CYP2A6: variants seen among roughly 807,000 people sequenced by gnomAD.
CYP2A6 encodes the protein cytochrome P450 family 2 subfamily A member 6.
In CYP2A6, 27 loss-of-function variants were observed where a neutral mutation model predicts 42.3. That is an observed-to-expected ratio of 0.64 (90% CI 0.47 to 0.88). The LOEUF (loss-of-function observed/expected upper bound fraction) is 0.88. Among genes scored for constraint, CYP2A6 ranks in the 40% least tolerant of loss-of-function variants. The pLI is 0.00. For missense variants in CYP2A6, 628 were observed against 646.0 expected (o/e 0.97, Z 0.30); for synonymous variants, 238 against 246.3 (o/e 0.97, Z 0.31).
chr19:40,846,883 T>C lies in CYP2A6; in HGVS notation c.823A>G (p.Met275Val). The change falls in exon 5 of 9, where the codon ATG becomes GTG. Residue 275 changes from methionine (M) to valine (V), a missense_variant. By Grantham distance (21) the Met-to-Val change is conservative. This residue lies in a region of CYP2A6 where 606 missense variants were observed against 568.1 expected (regional missense o/e 1.07). Coordinates refer to ENST00000301141, the MANE Select transcript of CYP2A6 (RefSeq NM_000762.6). ...TGGCTGCTGGGGTGTACCTCCTGCA[T>C]GCGGATGAGAAAGGAGTCAATGAAG... ...RDFIDSFLIR[M>V]QEEEKNPNTE... 1.2e-6 allele frequency: 2 copies of C among 1,612,000 alleles called. No homozygotes were observed. The highest frequency in any genetic ancestry group is 2.2e-5 in the South Asian group (2 of 90,918).
At chr19:40,849,020 A>G (rs944698147) in intron 2 of CYP2A6, among the ~76,000 whole-genome samples, 9 of 58,998 alleles carry the variant, frequency 1.5e-4, no homozygotes, top group African/African-American at 2.3e-4. Flanking sequence ...GAAGAGAGAG[A>G]GGAGAGAGAG....
rs566790786 is a variant in CYP2A6 at position 40,847,411 on chromosome 19, T to G, written c.655-360A>C. On this transcript the variant is annotated intron_variant, in intron 4 of 8. Transcript: ENST00000301141. Reference sequence around the variant, plus strand: ...AGGTGGGGCTGGTATGAGGTGAGTGTCACCTGTCTAGGTATTTAGGCATTC... The same window carrying G: ...AGGTGGGGCTGGTATGAGGTGAGTGGCACCTGTCTAGGTATTTAGGCATTC... 3.7e-3 allele frequency among the ~76,000 whole-genome samples: 556 copies of G among 151,576 alleles called. 2 individuals carry two copies. The highest frequency in any genetic ancestry group is 6.0e-3 in the Non-Finnish European group (408 of 67,962).
At chr19:40,849,070 G>GAGAGAGAGAA (rs1967172683) in intron 2 of CYP2A6, among the ~76,000 whole-genome samples, 4 of 144,502 alleles carry the variant, frequency 2.8e-5, no homozygotes, top group Non-Finnish European at 6.1e-5. Context: ...GAGAGAGAGA[G>GAGAGAGAGAA]AGAGAGAGAG....
Position 40,850,296 on chromosome 19 carries a change from C to T in CYP2A6, c.131G>A (p.Gly44Glu), listed in dbSNP as rs144279119. The change falls in exon 1 of 9, where the codon GGA (glycine) becomes GAA (glutamate). Residue 44 changes from glycine (G) to glutamate (E), a missense_variant. Physicochemically the swap from Gly to Glu is moderately conservative, Grantham distance 98. Around this residue, in one of 2 missense-constraint regions of CYP2A6, gnomAD observed 606 missense variants for 568.1 expected, o/e 1.07. Coordinates refer to ENST00000301141, the MANE Select transcript of CYP2A6 (RefSeq NM_000762.6). ...PPGPTPLPFI[G>E]NYLQLNTEQM... Reference sequence around the variant, plus strand: ...CTCTGTGTTCAGCTGCAGGTAGTTTCCAATGAAGGGCAATGGGGTGGGTCC... The same window carrying T: ...CTCTGTGTTCAGCTGCAGGTAGTTTTCAATGAAGGGCAATGGGGTGGGTCC... 1.5e-5 allele frequency: 24 copies of T among 1,610,008 alleles called. 1 individual carries two copies. The highest frequency in any genetic ancestry group is 2.0e-5 in the Non-Finnish European group (24 of 1,178,792).
At chr19:40,845,158 G>C in intron 7 of CYP2A6, 136 bp downstream of exon 7, 1 of 1,067,782 alleles carries the variant, frequency 9.4e-7, no homozygotes, top group Non-Finnish European at 1.4e-6. Context: ...GAACGGATGT[G>C]GTGGTTGGGG....
Position 40,845,544 on chromosome 19 carries a change from G to A in CYP2A6, c.974-63C>T, listed in dbSNP as rs939273902. The A allele has an allele frequency of 4.2e-5, 67 of 1,592,162 alleles. 6 individuals carry two copies. The East Asian group carries it at 1.1e-3, about 26-fold the overall frequency. ...GTCTCAGAGCAGGAAATGATAGTCCGAATAGGCAAAATGGGGTGGATGATA... is the reference window on the plus strand; with the variant it reads ...GTCTCAGAGCAGGAAATGATAGTCCAAATAGGCAAAATGGGGTGGATGATA... On this transcript the variant is annotated intron_variant, in intron 6 of 8. Transcript: ENST00000301141.
rs2083448656 is a variant in CYP2A6, at chr19:40,845,028, G to A, written c.1162-256C>T. On this transcript the variant is annotated intron_variant, in intron 7 of 8. Coordinates refer to ENST00000301141, the MANE Select transcript of CYP2A6 (RefSeq NM_000762.6). Reference sequence around the variant, plus strand: ...GAGATTTCTGTCCCTATGACAAAAGGCCGAATGGAAAGGGGGCTTCTGTTT... The same window carrying A: ...GAGATTTCTGTCCCTATGACAAAAGACCGAATGGAAAGGGGGCTTCTGTTT... 1.5e-5 allele frequency: 10 copies of A among 649,782 alleles called. No individual in the cohort carries two copies. The South Asian group carries it at 1.7e-4, about 11-fold the overall frequency. 40.3% of individuals were successfully genotyped at this position (649,782 alleles called of 1,614,324 possible).
chr19:40,849,023 AGAGAGAGAGAGAAGAGAGAGAG>A (rs1259290148), intron 2 of CYP2A6, among the ~76,000 whole-genome samples: 8 of 44,066 alleles, frequency 1.8e-4, no homozygotes, highest in Non-Finnish European at 3.7e-4. Context: ...GAGAGAGAGG[AGAGAGAGAGAGAAGAGAGAGAG>A]GAGAGAGAGA....
chr19:40,845,569 A>G, intron 6 of CYP2A6, 88 bp from the exon 7 acceptor site: 1 of 1,565,764 alleles, frequency 6.4e-7, no homozygotes, highest in Non-Finnish European at 8.7e-7. Context: ...GGTGGATGAT[A>G]TGGCTCCGCC....
At chr19:40,845,708 C>T (rs1418158789) in intron 6 of CYP2A6, among the ~76,000 whole-genome samples, 1 of 151,344 alleles carries the variant, frequency 6.6e-6, no homozygotes, top group African/African-American at 2.4e-5. Flanking sequence ...GGGGATGACC[C>T]GGTGGAACGG....
intron 7 of CYP2A6, chr19:40,845,059 G>A: frequency 1.5e-6 from 1 of 658,098 alleles, no homozygotes; most frequent in Non-Finnish European, 2.6e-6. Context: ...TGTTTCTTAA[G>A]ATAGGAAGTT....
At chr19:40,844,503 C>G (rs886975207) in intron 8 of CYP2A6, 128 bp downstream of exon 8, 50 of 1,527,198 alleles carry the variant, frequency 3.3e-5, no homozygotes, top group African/African-American at 1.8e-4. Context: ...GCTGCTGGCT[C>G]AAGGGTAGAT....
rs4986892 is a variant in CYP2A6, at chr19:40,848,701, G to A, written c.406C>T (p.Arg136Trp). 2.7e-6 allele frequency: 4 copies of A among 1,493,680 alleles called. No individual in the cohort carries two copies. The African/African-American group carries it at 6.3e-5, about 23-fold the overall frequency. The allele number at this position is 1,493,680 out of a possible 1,614,324, so 92.5% of individuals were successfully genotyped here. ...CCTCGCTTGCCCACCCCGAAGTCCC[G>A]CAGGGTGGCGATGGAGAAGCGCCGG... Reference protein sequence around the residue: ...QLRRFSIATLRDFGVGKRGIE... With the variant: ...QLRRFSIATLWDFGVGKRGIE... The change falls in exon 3 of 9, where the codon CGG becomes TGG. Residue 136 changes from arginine (R) to tryptophan (W), a missense_variant. Transcript: ENST00000301141.
chr19:40,847,828 G>T (rs1158173320), intron 4 of CYP2A6, among the ~76,000 whole-genome samples: 3 of 151,678 alleles, frequency 2.0e-5, no homozygotes, highest in Non-Finnish European at 4.4e-5. Context: ...GCAGCACCAG[G>T]TGTTCAGGTA....
At position 40,843,686 on chromosome 19, in the gene CYP2A6, C is replaced by A; in HGVS notation, c.*110G>T. ...TTCCCTCTAGCCACCACGCCCCTTC[C>A]TTTCCGCCATCCTGCCCCCAGTCTT... is the stretch of plus-strand genomic sequence containing the variant. On this transcript the variant is annotated 3_prime_UTR_variant, in exon 9 of 9. Transcript: ENST00000301141. 4 of 1,261,440 alleles carry A rather than the reference C, an allele frequency of 3.2e-6. 1 individual carries two copies. Among genetic ancestry groups the A allele is most frequent in the Non-Finnish European group, 4.2e-6 (4 of 946,504 alleles). The allele number at this position is 1,261,440 out of a possible 1,614,324, so 78.1% of individuals were successfully genotyped here.
In CYP2A6 at chr19:40,845,345, C is replaced by G. The variant is rs761393328; in HGVS notation, c.1110G>C (p.Leu370Phe). ...QRFGDVIPMS[L>F]ARRVKKDTKF... is the part of the protein sequence containing the mutation. ...TGGTGTCCTTTTTGACTCTGCGGGC[C>G]AAACTCATGGGGATCACGTCTCCAA... is the stretch of plus-strand genomic sequence containing the variant. The change falls in exon 7 of 9, where the codon TTG (leucine) becomes TTC (phenylalanine). Residue 370 changes from leucine to phenylalanine, a missense_variant. Leu to Phe is a conservative substitution (Grantham distance 22). This residue lies in a region of CYP2A6 where 606 missense variants were observed against 568.1 expected (regional missense o/e 1.07). Transcript: ENST00000301141. The G allele has an allele frequency of 6.2e-6, 10 of 1,611,492 alleles. No homozygotes were observed.
chr19:40,844,554 C>A, intron 8 of CYP2A6, 77 bp downstream of exon 8: 2 of 1,607,678 alleles, frequency 1.2e-6, no homozygotes, highest in South Asian at 1.1e-5. Context: ...CCAGGCTACA[C>A]CGCAGAGAGG....
intron 2 of CYP2A6, 88 bp from the exon 3 acceptor site, chr19:40,848,851 GGA>G (rs1321084837): frequency 6.7e-7 from 1 of 1,483,358 alleles, no homozygotes; most frequent in Non-Finnish European, 9.1e-7. Flanking sequence ...CAAGGGTGGA[GGA>G]GAGAGGGAGT....
rs539734599 is a variant in CYP2A6 at position 40,846,996 on chromosome 19, G to A, written c.710C>T (p.Ala237Val). ...CTCCAGCCCTTGCAGCAACTGAAAG[G>A]CCTGTTGCTGTGGTCCTGGCAGGTG... is the stretch of plus-strand genomic sequence containing the variant. ...MKHLPGPQQQ[A>V]FQLLQGLEDF... is the part of the protein sequence containing the mutation. The change falls in exon 5 of 9, where the codon GCC becomes GTC. Residue 237 changes from alanine (A) to valine (V), a missense_variant. Ala to Val is a moderately conservative substitution (Grantham distance 64). Around this residue, in one of 2 missense-constraint regions of CYP2A6, gnomAD observed 606 missense variants for 568.1 expected, o/e 1.07. Coordinates refer to ENST00000301141, the MANE Select transcript of CYP2A6 (RefSeq NM_000762.6). 9.9e-6 allele frequency: 16 copies of A among 1,611,940 alleles called. No homozygotes were observed. The highest frequency in any genetic ancestry group is 1.3e-5 in the Non-Finnish European group (15 of 1,179,854).
Sources: allele counts gnomAD v4.1 joint callset (sites outside exome capture counted in the v4.1 genomes callset), GRCh38; gene constraint gnomAD v4.1.1; regional missense constraint gnomAD v4.1.1; transcripts MANE v1.5; gene names NCBI Gene and HGNC (gene_info 2026-07-23, HGNC 2026-07-21).